The following SSBP4 variants were observed in gnomAD, a reference collection of about 807,000 sequenced individuals.
The protein encoded by SSBP4 is single stranded DNA binding protein 4, also known as single-stranded DNA-binding protein 4.
Under a neutral mutation model 64.6 loss-of-function variants are expected in SSBP4, and 33 were observed. That is an observed-to-expected ratio of 0.51 (90% CI 0.39 to 0.68). The LOEUF (loss-of-function observed/expected upper bound fraction) is 0.68. Ranked by LOEUF, SSBP4 falls within the 30% of genes least tolerant of loss-of-function variation. The pLI is 0.00. For missense variants in SSBP4, 583 were observed against 566.8 expected, an observed-to-expected ratio of 1.03 and a Z score of -0.29; for synonymous variants, 243 against 224.0, an observed-to-expected ratio of 1.08 and a Z score of -0.76.
At chr19:18,404,802 G>A in the SSBP4 span, among the ~76,000 whole-genome samples, 6 of 141,506 alleles carry the variant, frequency 4.2e-5, no homozygotes, top group Admixed American at 4.5e-4. Flanking sequence ...TGAGGCAGGA[G>A]AATAGCGTGA....
chr19:18,422,999 C>T (rs1404265756), intron 1 of SSBP4, among the ~76,000 whole-genome samples: 2 of 152,204 alleles, frequency 1.3e-5, no homozygotes, highest in African/African-American at 4.8e-5. Context: ...CCAGCTGGCT[C>T]CAGAAAGGGA....
chr19:18,410,465 C>T, the SSBP4 span, among the ~76,000 whole-genome samples: 1 of 151,960 alleles, frequency 6.6e-6, no homozygotes, highest in South Asian at 2.1e-4. Context: ...TCAAAGAAGG[C>T]CTCTCTAGAA....
At chr19:18,432,492 GGT>G in intron 10 of SSBP4, 65 bp from the exon 11 acceptor site, 1 of 1,515,006 alleles carries the variant, frequency 6.6e-7, no homozygotes, top group Non-Finnish European at 8.9e-7. Context: ...GGGTGTGGGG[GGT>G]GTGTGGTGAG....
At chr19:18,431,744 G>A (rs1477033961) in intron 7 of SSBP4, 38 bp downstream of exon 7, 1 of 1,540,468 alleles carries the variant, frequency 6.5e-7, no homozygotes, top group African/African-American at 1.4e-5. Flanking sequence ...CAGGAGCTGG[G>A]CCGGGGAGGG....
At position 18,426,808 on chromosome 19, in the gene SSBP4, A is replaced by T. The variant is rs1301003290; in HGVS notation, c.60-543A>T. On this transcript the variant is annotated intron_variant, in intron 1 of 17. Coordinates refer to ENST00000270061, the MANE Select transcript of SSBP4 (RefSeq NM_032627.5). The surrounding 1 kb of genome is among the most constrained non-coding windows in gnomAD (Gnocchi z 4.5). The stretch of plus-strand genomic sequence containing the variant: ...ATTCCCCAGACATTGCCCCAGGTTC[A>T]GCACTGCCCTGACTGGGGACAGTCT... 1.3e-5 allele frequency among the ~76,000 whole-genome samples: 2 copies of T among 152,152 alleles called. No homozygotes were observed. Among genetic ancestry groups the T allele is most frequent in the East Asian group, 3.8e-4 (2 of 5,202 alleles).
At chr19:18,429,239 GA>G (rs1335243951) in intron 4 of SSBP4, among the ~76,000 whole-genome samples, 2 of 152,044 alleles carry the variant, frequency 1.3e-5, no homozygotes, top group African/African-American at 2.4e-5. Flanking sequence ...CGAGGCGGGG[GA>G]GGGGGGCGGG....
the SSBP4 span, among the ~76,000 whole-genome samples, chr19:18,405,973 A>C: frequency 6.6e-6 from 1 of 150,736 alleles, no homozygotes; most frequent in African/African-American, 2.4e-5. Context: ...CCTGGGTGAC[A>C]GAGCAAGACT....
Position 18,431,436 on chromosome 19 carries a change from C to G in SSBP4, c.435+18C>G. Reference sequence around the variant, plus strand: ...ACGGTCAGGTAAGGAGCTGTGGTGCCTGCCCCTCACACACACACATCCCCT... The same window carrying G: ...ACGGTCAGGTAAGGAGCTGTGGTGCGTGCCCCTCACACACACACATCCCCT... On this transcript the variant is annotated intron_variant, in intron 6 of 17. Transcript: ENST00000270061. 6.8e-7 allele frequency: 1 copy of G among 1,459,926 alleles called. No homozygotes were observed. Among genetic ancestry groups the G allele is most frequent in the African/African-American group, 1.4e-5 (1 of 70,072 alleles). 90.4% of individuals were successfully genotyped at this position (1,459,926 alleles called of 1,614,324 possible).
At chr19:18,419,803 G>T in intron 1 of SSBP4, 96 bp downstream of exon 1, 2 of 953,858 alleles carry the variant, frequency 2.1e-6, no homozygotes, top group Non-Finnish European at 2.6e-6. Context: ...CGCGGGCGGC[G>T]GGGAGCGCGA....
Position 18,426,593 on chromosome 19 carries a change from G to A in SSBP4, c.60-758G>A, listed in dbSNP as rs762398123. Among the ~76,000 whole-genome samples the A allele has an allele frequency of 1.6e-4, 25 of 152,192 alleles. No individual in the cohort carries two copies. Among genetic ancestry groups the A allele is most frequent in the Non-Finnish European group, 2.6e-4 (18 of 68,020 alleles). The stretch of plus-strand genomic sequence containing the variant: ...CTCCCCCTGTGACCTGCAGAGGGCC[G>A]TGCTGGAGCCACCTGGCTGGGCGAG... On this transcript the variant is annotated intron_variant, in intron 1 of 17. Transcript: ENST00000270061. This position sits in a 1 kb window ranked among gnomAD's most constrained non-coding sequence, Gnocchi z 4.5.
At chr19:18,404,855 G>T in the SSBP4 span, among the ~76,000 whole-genome samples, 1 of 135,676 alleles carries the variant, frequency 7.4e-6, no homozygotes, top group South Asian at 2.3e-4. Context: ...CCACGCCACT[G>T]CACTCCAGCG....
At chr19:18,404,467 G>A in the SSBP4 span, among the ~76,000 whole-genome samples, 2 of 151,778 alleles carry the variant, frequency 1.3e-5, no homozygotes, top group South Asian at 2.1e-4. Flanking sequence ...GATAGTGCAC[G>A]CCTGTAATTC....
chr19:18,406,273 C>T, the SSBP4 span, among the ~76,000 whole-genome samples: 1 of 151,602 alleles, frequency 6.6e-6, no homozygotes, highest in Admixed American at 6.6e-5. Flanking sequence ...ATGCCTCAGC[C>T]TCCCAAGAAG....
At position 18,432,612 on chromosome 19, in the gene SSBP4, T is replaced by C; in HGVS notation, c.750+8T>C. ...AGCCCCAGTGGAAACTCGGTGAGCCTATGGCTGGGTGGGCAGGCTTGGGGT... is the reference window on the plus strand; with the variant it reads ...AGCCCCAGTGGAAACTCGGTGAGCCCATGGCTGGGTGGGCAGGCTTGGGGT... On this transcript the variant is annotated splice_region_variant and intron_variant, in intron 11 of 17. Transcript: ENST00000270061. The C allele has an allele frequency of 6.4e-7, 1 of 1,555,990 alleles. No individual in the cohort carries two copies. Among genetic ancestry groups the C allele is most frequent in the Non-Finnish European group, 8.7e-7 (1 of 1,148,868 alleles).
upstream of SSBP4, among the ~76,000 whole-genome samples, chr19:18,416,434 C>G (rs772540052): frequency 3.3e-5 from 5 of 152,218 alleles, no homozygotes; most frequent in Non-Finnish European, 7.3e-5. Flanking sequence ...GTCTCGGCCT[C>G]CGAAGTGCTG....
the SSBP4 span, among the ~76,000 whole-genome samples, chr19:18,406,991 T>C: frequency 3.3e-5 from 5 of 152,164 alleles, no homozygotes; most frequent in Non-Finnish European, 7.3e-5. Context: ...TCAACATCTC[T>C]GTGCCTTGGC....
Position 18,431,822 on chromosome 19 carries a change from C to T in SSBP4, c.525C>T (p.Pro175=), listed in dbSNP as rs533159233. Residue 175 remains proline, a synonymous_variant, in exon 8 of 18, where the codon CCC becomes CCT. Coordinates refer to ENST00000270061, the MANE Select transcript of SSBP4 (RefSeq NM_032627.5). Reference sequence around the variant, plus strand: ...CCGCAGGCCTCCCTGGCTCCCAGCCCCTCCTCCCTGGCGCCATGGAGCCCT... The same window carrying T: ...CCGCAGGCCTCCCTGGCTCCCAGCCTCTCCTCCCTGGCGCCATGGAGCCCT... The part of the protein sequence containing the change: ...QPPAGLPGSQ[P]LLPGAMEPSP... 33 of 1,567,534 alleles carry T rather than the reference C, an allele frequency of 2.1e-5. No homozygotes were observed. In the Admixed American group the frequency reaches 4.8e-4, roughly 23 times the overall value.
At chr19:18,407,440 G>A in the SSBP4 span, among the ~76,000 whole-genome samples, 14 of 152,138 alleles carry the variant, frequency 9.2e-5, no homozygotes, top group East Asian at 1.9e-4. Flanking sequence ...TTTTTGAGAC[G>A]GAGTCTCGTT....
chr19:18,402,821 G>A, the SSBP4 span, among the ~76,000 whole-genome samples: 1 of 152,290 alleles, frequency 6.6e-6, no homozygotes, highest in South Asian at 2.1e-4. Context: ...TTCTCCCCAT[G>A]GGATAGTCTG....
Sources: allele counts gnomAD v4.1 joint callset (sites outside exome capture counted in the v4.1 genomes callset), GRCh38; gene constraint gnomAD v4.1.1; non-coding constraint Gnocchi (gnomAD v3.1); transcripts MANE v1.5; gene names NCBI Gene and HGNC (gene_info 2026-07-23, HGNC 2026-07-21).